The following REC114 variants were observed in gnomAD, a reference collection of about 807,000 sequenced individuals.
REC114 encodes meiotic recombination protein REC114.
In REC114, 27 loss-of-function variants were observed where a neutral mutation model predicts 31.3. The observed-to-expected ratio is 0.86, with a 90% CI of 0.64 to 1.19. The LOEUF is 1.19. Among genes scored for constraint, REC114 ranks in the 50% most tolerant of loss-of-function variants. The probability of loss-of-function intolerance (pLI) is 0.00; values close to 1 mark genes in which losing one functional copy is unlikely to be tolerated. For missense variants in REC114, 344 were observed against 326.9 expected, an observed-to-expected ratio of 1.05 and a Z score of -0.40; for synonymous variants, 134 against 127.7, an observed-to-expected ratio of 1.05 and a Z score of -0.33.
At chr15:73,542,897 T>C (rs1296483233) in intron 3 of REC114, among the ~76,000 whole-genome samples, 3 of 151,906 alleles carry the variant, frequency 2.0e-5, no homozygotes, top group Non-Finnish European at 2.9e-5. Flanking sequence ...CTGATTTTCA[T>C]AAGGATTTAT....
intron 2 of REC114, among the ~76,000 whole-genome samples, chr15:73,519,190 G>A (rs1893903121): frequency 6.6e-6 from 1 of 152,172 alleles, no homozygotes; most frequent in South Asian, 2.1e-4. Flanking sequence ...GCATTACATA[G>A]TATTAAGCAC....
intron 3 of REC114, among the ~76,000 whole-genome samples, chr15:73,544,892 A>C (rs1418164711): frequency 6.6e-6 from 1 of 152,138 alleles, no homozygotes; most frequent in Non-Finnish European, 1.5e-5. Context: ...ATGAATCTAA[A>C]ACCAGCGGGA....
At chr15:73,491,523 G>C (rs1036543167) in intron 2 of REC114, among the ~76,000 whole-genome samples, 2 of 152,152 alleles carry the variant, frequency 1.3e-5, no homozygotes, top group Non-Finnish European at 2.9e-5. Context: ...TAACACCTTA[G>C]AGTAGAATTA....
At chr15:73,552,410 G>C (rs1894405542) in intron 4 of REC114, among the ~76,000 whole-genome samples, 1 of 152,160 alleles carries the variant, frequency 6.6e-6, no homozygotes, top group South Asian at 2.1e-4. Context: ...TCATTATTTT[G>C]TTTTAGAAAA....
At chr15:73,506,764 TTTGAAGA>T in intron 2 of REC114, among the ~76,000 whole-genome samples, 1 of 152,312 alleles carries the variant, frequency 6.6e-6, no homozygotes, top group South Asian at 2.1e-4. Flanking sequence ...TACAGGACCC[TTTGAAGA>T]TTAAGAGCAA....
rs755549990 is a variant in REC114 at position 73,473,898 on chromosome 15, A to G, written c.226A>G (p.Ile76Val). The stretch of plus-strand genomic sequence containing the variant: ...CATAGTTATATCAGGTCATTTCTTC[A>G]TTTTCCAAGGACAGACACTACTGGT... ...LTIVISGHFF[I>V]FQGQTLLEGF... The change falls in exon 2 of 6, where the codon ATT becomes GTT. Residue 76 changes from isoleucine to valine, a missense_variant. Ile to Val is a conservative substitution (Grantham distance 29, BLOSUM62 3). Transcript: ENST00000331090. 6.3e-7 allele frequency: 1 copy of G among 1,583,288 alleles called. No individual in the cohort carries two copies. The highest frequency in any genetic ancestry group is 8.6e-7 in the Non-Finnish European group (1 of 1,161,068).
At chr15:73,475,647 C>G (rs1893201422) in intron 2 of REC114, among the ~76,000 whole-genome samples, 1 of 152,004 alleles carries the variant, frequency 6.6e-6, no homozygotes, top group South Asian at 2.1e-4. Context: ...AAAAATGTTA[C>G]AGTAAGCTAA....
intron 2 of REC114, among the ~76,000 whole-genome samples, chr15:73,516,798 T>A (rs1246657575): frequency 6.6e-6 from 1 of 152,182 alleles, no homozygotes; most frequent in Non-Finnish European, 1.5e-5. Flanking sequence ...AGGCCTATTT[T>A]TTATTTTTAG....
intron 3 of REC114, among the ~76,000 whole-genome samples, chr15:73,545,522 G>T (rs1039372562): frequency 1.3e-5 from 2 of 152,086 alleles, no homozygotes; most frequent in African/African-American, 4.8e-5. Context: ...GTTTTATCTT[G>T]GATCCACATG....
chr15:73,549,629 T>G (rs1156379240), intron 3 of REC114, among the ~76,000 whole-genome samples: 1 of 152,146 alleles, frequency 6.6e-6, no homozygotes, highest in African/African-American at 2.4e-5. Flanking sequence ...ATTTTAGAAA[T>G]TAAATATACA....
intron 2 of REC114, among the ~76,000 whole-genome samples, chr15:73,527,386 G>T (rs1336677607): frequency 6.6e-6 from 1 of 152,130 alleles, no homozygotes; most frequent in African/African-American, 2.4e-5. Flanking sequence ...TAAGTGCCCT[G>T]CCCTGAAAAC....
Position 73,550,240 on chromosome 15 carries a change from G to C in REC114, c.334-698G>C, listed in dbSNP as rs115670066. On this transcript the variant is annotated intron_variant, in intron 3 of 5. Coordinates refer to ENST00000331090, the MANE Select transcript of REC114 (RefSeq NM_001042367.2). The stretch of plus-strand genomic sequence containing the variant: ...TATAATCTAGATGTTTTTACACTTA[G>C]ATGTTTTTATACTTGTAATCAAATA... 5.6e-3 allele frequency among the ~76,000 whole-genome samples: 859 copies of C among 152,258 alleles called. 6 individuals are homozygous for C. Among genetic ancestry groups the C allele is most frequent in the African/African-American group, 0.02 (819 of 41,544 alleles).
chr15:73,517,329 A>C (rs1893871850), intron 2 of REC114, among the ~76,000 whole-genome samples: 1 of 152,194 alleles, frequency 6.6e-6, no homozygotes, highest in Non-Finnish European at 1.5e-5. Context: ...AAAGAAAAAA[A>C]ATTTTTTTAA....
chr15:73,477,894 G>C (rs1022016780), intron 2 of REC114, among the ~76,000 whole-genome samples: 1 of 151,966 alleles, frequency 6.6e-6, no homozygotes, highest in African/African-American at 2.4e-5. Flanking sequence ...CTATATTATG[G>C]AATGTAATCA....
At chr15:73,485,998 C>T (rs1266806284) in intron 2 of REC114, among the ~76,000 whole-genome samples, 1 of 152,146 alleles carries the variant, frequency 6.6e-6, no homozygotes, top group African/African-American at 2.4e-5. Context: ...TTATACTGTC[C>T]TACATCTAAA....
intron 2 of REC114, among the ~76,000 whole-genome samples, chr15:73,486,343 G>A (rs755520138): frequency 4.6e-5 from 7 of 152,050 alleles, no homozygotes; most frequent in Admixed American, 6.6e-5. Context: ...TGATCTGCCC[G>A]TCTTGGCCTC....
chr15:73,443,406 C>T (rs1892724716), intron 1 of REC114, 62 bp downstream of exon 1: 6 of 1,486,762 alleles, frequency 4.0e-6, no homozygotes, highest in African/African-American at 1.4e-5. Flanking sequence ...GGAGGCTCCG[C>T]GAATACACTG....
At chr15:73,510,814 G>A (rs1290296848) in intron 2 of REC114, among the ~76,000 whole-genome samples, 1 of 150,252 alleles carries the variant, frequency 6.7e-6, no homozygotes, top group Non-Finnish European at 1.5e-5. Context: ...TGGTGGATAA[G>A]CTTTTTGATG....
chr15:73,494,031 T>G (rs1277828507), intron 2 of REC114, among the ~76,000 whole-genome samples: 1 of 152,256 alleles, frequency 6.6e-6, no homozygotes, highest in South Asian at 2.1e-4. Context: ...GTCTTCTCTT[T>G]CTCTCTGAGT....
Sources: allele counts gnomAD v4.1 joint callset (sites outside exome capture counted in the v4.1 genomes callset), GRCh38; gene constraint gnomAD v4.1.1; transcripts MANE v1.5; gene names NCBI Gene and HGNC (gene_info 2026-07-23, HGNC 2026-07-21).